The following WWTR1 variants were observed in gnomAD, a reference collection of about 807,000 sequenced individuals.
The protein encoded by WWTR1 is WW domain-containing transcription regulator protein 1.
WWTR1 carries 13 observed loss-of-function variants against 40.1 expected under a neutral mutation model. The ratio of observed to expected loss-of-function variants is 0.32; its 90% CI spans 0.21 to 0.52. The LOEUF is 0.52. Ranked by LOEUF, WWTR1 falls within the 20% of genes least tolerant of loss-of-function variation. The probability of loss-of-function intolerance (pLI) is 0.97; values close to 1 mark genes in which losing one functional copy is unlikely to be tolerated. For missense variants in WWTR1, 436 were observed against 523.1 expected, an observed-to-expected ratio of 0.83 and a Z score of 1.63; for synonymous variants, 230 against 210.1, an observed-to-expected ratio of 1.09 and a Z score of -0.82.
intron 4 of WWTR1, among the ~76,000 whole-genome samples, chr3:149,721,798 A>G (rs1262272802): frequency 6.6e-6 from 1 of 152,192 alleles, no homozygotes; most frequent in African/African-American, 2.4e-5. Flanking sequence ...TCCTGGGCTC[A>G]AACGATCCTG....
chr3:149,556,024 T>C (rs1056797435), intron 3 of WWTR1, among the ~76,000 whole-genome samples: 1 of 152,198 alleles, frequency 6.6e-6, no homozygotes, highest in Non-Finnish European at 1.5e-5. Context: ...AGGTGGAAAC[T>C]GTGAGCTTGG....
chr3:149,526,045 T>C lies in WWTR1; in HGVS notation c.986A>G (p.Asp329Gly), dbSNP rs146740622. 6.2e-7 allele frequency: 1 copy of C among 1,606,740 alleles called. No homozygotes were observed. The highest frequency in any genetic ancestry group is 1.7e-5 in the Admixed American group (1 of 59,220). The change falls in exon 6 of 7, where the codon GAC becomes GGC. Residue 329 changes from aspartate (D) to glycine (G), a missense_variant. Transcript: ENST00000360632. The part of the protein sequence containing the change: ...GCYSVPTTPE[D>G]FLSNVDEMDT... ...CATCTCATCCACATTGCTGAGGAAGTCCTCCGGAGTTGTGGGGACACTGTA... is the reference window on the plus strand; with the variant it reads ...CATCTCATCCACATTGCTGAGGAAGCCCTCCGGAGTTGTGGGGACACTGTA...
At chr3:149,707,703 G>C (rs1466286485), upstream of WWTR1, among the ~76,000 whole-genome samples, 1 of 152,080 alleles carries the variant, frequency 6.6e-6, no homozygotes, top group Non-Finnish European at 1.5e-5. Context: ...TGCTACACTA[G>C]AGGCAATGTA....
chr3:149,571,214 C>CTTT (rs10535515), intron 3 of WWTR1, among the ~76,000 whole-genome samples: 279 of 100,984 alleles, frequency 2.8e-3, no homozygotes, highest in Non-Finnish European at 3.3e-3. Context: ...TTTTTCTTTT[C>CTTT]TTTTTTTTTT....
chr3:149,549,334 T>C (rs760115172), intron 3 of WWTR1, among the ~76,000 whole-genome samples: 5 of 152,232 alleles, frequency 3.3e-5, no homozygotes, highest in Non-Finnish European at 7.3e-5. Context: ...CTTGATGTGA[T>C]GTAATTAGAA....
At chr3:149,714,527 C>T (rs1715553364) in intron 5 of WWTR1, among the ~76,000 whole-genome samples, 1 of 152,260 alleles carries the variant, frequency 6.6e-6, no homozygotes, top group Admixed American at 6.5e-5. Context: ...GACACCCGGC[C>T]CCTGTCATCT....
chr3:149,637,923 A>G (rs1222882493), intron 2 of WWTR1, among the ~76,000 whole-genome samples: 2 of 152,200 alleles, frequency 1.3e-5, no homozygotes, highest in Non-Finnish European at 2.9e-5. Context: ...TCTGTATGAC[A>G]TATGCAGTGG....
rs185951166 is a variant in WWTR1 at position 149,600,174 on chromosome 3, A to G, written c.432-27174T>C. On this transcript the variant is annotated intron_variant, in intron 2 of 6. Coordinates refer to ENST00000360632, the MANE Select transcript of WWTR1 (RefSeq NM_015472.6). ...TTGTATCTTCCAGGGTCCTGGAACCAATCCTTTCCGGACACCAAGGGACAA... is the reference window on the plus strand; with the variant it reads ...TTGTATCTTCCAGGGTCCTGGAACCGATCCTTTCCGGACACCAAGGGACAA... Among the ~76,000 whole-genome samples the G allele has an allele frequency of 1.3e-3, 204 of 151,806 alleles. 4 individuals are homozygous for G. The highest frequency in any genetic ancestry group is 5.3e-3 in the Admixed American group (81 of 15,262).
Position 149,684,989 on chromosome 3 carries a change from A to T in WWTR1, c.-107-15098T>A, listed in dbSNP as rs543180974. 2.6e-5 allele frequency among the ~76,000 whole-genome samples: 4 copies of T among 152,222 alleles called. No individual in the cohort carries two copies. In the South Asian group the frequency reaches 8.3e-4, roughly 32 times the overall value. ...AGCTCCACAAAATTAATATATTCAA[A>T]TTTTAATTTATCATTTGCTCCCATC... On this transcript the variant is annotated intron_variant, in intron 1 of 7. Coordinates refer to the WWTR1 transcript ENST00000465804.
At chr3:149,560,486 C>T (rs1476086836) in intron 3 of WWTR1, among the ~76,000 whole-genome samples, 1 of 152,180 alleles carries the variant, frequency 6.6e-6, no homozygotes, top group Non-Finnish European at 1.5e-5. Flanking sequence ...TGATCCAATT[C>T]CATTTGGAGA....
At chr3:149,608,839 G>A (rs1576594477) in intron 2 of WWTR1, among the ~76,000 whole-genome samples, 2 of 152,176 alleles carry the variant, frequency 1.3e-5, no homozygotes, top group South Asian at 4.1e-4. Flanking sequence ...GACTGCTTGA[G>A]CCCAGGAGTT....
intron 1 of WWTR1, among the ~76,000 whole-genome samples, chr3:149,699,081 T>G (rs934736946): frequency 2.0e-5 from 3 of 152,232 alleles, no homozygotes; most frequent in Admixed American, 6.5e-5. Flanking sequence ...CTTGTGTTTC[T>G]CTCCTGAAAG....
At chr3:149,667,374 C>T (rs112424708) in intron 2 of WWTR1, among the ~76,000 whole-genome samples, 29,981 of 151,430 alleles carry the variant, frequency 0.2, 3,215 homozygotes, top group Admixed American at 0.3. Context: ...GGTGAAATCC[C>T]GTCTCTACTA....
chr3:149,659,920 CTT>C (rs768099838), upstream of WWTR1: 8 of 133,810 alleles, frequency 6.0e-5, no homozygotes, highest in South Asian at 2.4e-4. Context: ...ACGTATCATC[CTT>C]TTTTTTTTTT....
chr3:149,542,398 C>G lies in WWTR1; in HGVS notation c.708G>C (p.Arg236=). 6.2e-7 allele frequency: 1 copy of G among 1,614,156 alleles called. No homozygotes were observed. Among genetic ancestry groups the G allele is most frequent in the Non-Finnish European group, 8.5e-7 (1 of 1,180,006 alleles). ...CTCTCTCCATCTGGATTCTCTGAAG[C>G]CGCAGTTTCTGCTGCTGCTGCTGCT... ...TTQQQQQQKL[R]LQRIQMERER... The change falls in exon 4 of 7, where the codon CGG becomes CGC. Residue 236 remains arginine, a synonymous_variant. Transcript: ENST00000360632.
intron 2 of WWTR1, among the ~76,000 whole-genome samples, chr3:149,610,990 A>AC (rs1009723772): frequency 2.6e-5 from 4 of 151,570 alleles, no homozygotes; most frequent in African/African-American, 9.7e-5. Context: ...AAAAAAAAAA[A>AC]ATTTTTTTTA....
Position 149,519,433 on chromosome 3 carries a change from T to A in WWTR1, c.*1372A>T, listed in dbSNP as rs1281315210. The A allele has an allele frequency of 6.6e-6, 1 of 152,236 alleles. No individual in the cohort carries two copies. The highest frequency in any genetic ancestry group is 1.5e-5 in the Non-Finnish European group (1 of 68,040). 9.4% of individuals were successfully genotyped at this position (152,236 alleles called of 1,614,324 possible). ...CATCCTTCAGTTTCATAGATAGAAT[T>A]ATTTTAAACACTTGAAATCTAGGAA... On this transcript the variant is annotated 3_prime_UTR_variant, in exon 7 of 7. Coordinates refer to ENST00000360632, the MANE Select transcript of WWTR1 (RefSeq NM_015472.6).
At chr3:149,702,199 T>C (rs774385269) in intron 1 of WWTR1, 1 of 153,988 alleles carries the variant, frequency 6.5e-6, no homozygotes, top group African/African-American at 2.4e-5. Context: ...CATATTTGTA[T>C]TATAGAATGG....
intron 2 of WWTR1, among the ~76,000 whole-genome samples, chr3:149,639,924 G>A (rs138148857): frequency 0.015 from 2,284 of 150,238 alleles, 36 homozygotes; most frequent in East Asian, 0.087. Flanking sequence ...AACCTGGGAG[G>A]TGGAGCTTGC....
Sources: allele counts gnomAD v4.1 joint callset (sites outside exome capture counted in the v4.1 genomes callset), GRCh38; gene constraint gnomAD v4.1.1; transcripts MANE v1.5; gene names NCBI Gene and HGNC (gene_info 2026-07-23, HGNC 2026-07-21).